The following TG variants were observed in gnomAD, a reference collection of about 807,000 sequenced individuals.
The protein encoded by TG is thyroid hormones.
A neutral mutation model predicts 324.7 loss-of-function variants in TG; 270 were observed. The ratio of observed to expected loss-of-function variants is 0.83; its 90% CI spans 0.75 to 0.92. TG has a LOEUF of 0.92. TG is among the 40% of genes least tolerant of loss of function. The pLI, the probability that TG is intolerant of heterozygous loss-of-function variation, is 0.00. For synonymous variants in TG, 1,401 were observed against 1,327.0 expected, an observed-to-expected ratio of 1.06 and a Z score of -1.21; for missense variants, 3,591 against 3,456.4, an observed-to-expected ratio of 1.04 and a Z score of -0.98.
intron 43 of TG, among the ~76,000 whole-genome samples, chr8:133,109,111 C>G (rs1850063185): frequency 6.6e-6 from 1 of 152,200 alleles, no homozygotes; most frequent in East Asian, 1.9e-4. Flanking sequence ...CAACCATTAT[C>G]TCTAGAGCCT....
intron 34 of TG, among the ~76,000 whole-genome samples, chr8:132,974,511 G>A (rs2204208): frequency 0.6 from 91,223 of 151,990 alleles, 28,629 homozygotes; most frequent in African/African-American, 0.73. Context: ...CAAACCACAC[G>A]GCTGGTAGGA....
intron 8 of TG, among the ~76,000 whole-genome samples, chr8:132,884,319 C>T (rs998488972): frequency 6.6e-6 from 1 of 152,172 alleles, no homozygotes; most frequent in African/African-American, 2.4e-5. Context: ...TCGAGCCAGA[C>T]CCCATTTTCT....
chr8:132,897,721 G>A lies in TG; in HGVS notation c.3074G>A (p.Gly1025Asp), dbSNP rs764171548. Reference protein sequence around the residue: ...SAGASALLRSGPYMPQCDAFG... With the variant: ...SAGASALLRSDPYMPQCDAFG... ...GGAGCATCCGCCCTTCTGCGGTCGG[G>A]CCCCTACATGCCACAGTGTGATGCG... Residue 1025 changes from glycine to aspartate, a missense_variant, in exon 12 of 48, where the codon GGC (glycine) becomes GAC (aspartate). By Grantham distance (94) the Gly-to-Asp change is moderately conservative (BLOSUM62 -1). Coordinates refer to ENST00000220616, the MANE Select transcript of TG (RefSeq NM_003235.5). The A allele has an allele frequency of 6.2e-7, 1 of 1,614,226 alleles. No homozygotes were observed. Among genetic ancestry groups the A allele is most frequent in the Non-Finnish European group, 8.5e-7 (1 of 1,180,048 alleles).
intron 41 of TG, among the ~76,000 whole-genome samples, chr8:133,090,934 C>T (rs1847410866): frequency 6.6e-6 from 1 of 152,158 alleles, no homozygotes; most frequent in South Asian, 2.1e-4. Context: ...CTGGTTAGAA[C>T]ATGGAGCTCT....
chr8:133,057,969 T>C (rs1416119020), intron 41 of TG, among the ~76,000 whole-genome samples: 2 of 152,186 alleles, frequency 1.3e-5, no homozygotes, highest in African/African-American at 4.8e-5. Flanking sequence ...GCACTGAAGC[T>C]AATGTGGGAG....
intron 21 of TG, among the ~76,000 whole-genome samples, chr8:132,920,573 A>G (rs853303): frequency 0.55 from 84,060 of 152,100 alleles, 24,206 homozygotes; most frequent in Non-Finnish European, 0.62. Context: ...TTTGTACACA[A>G]TGACTTGAGT....
At chr8:132,937,737 C>A (rs1043258338) in intron 25 of TG, among the ~76,000 whole-genome samples, 2 of 148,898 alleles carry the variant, frequency 1.3e-5, no homozygotes, top group Admixed American at 1.4e-4. Context: ...TTAAAAAATG[C>A]AATTGTATTT....
chr8:133,119,589 G>A (rs1165673863), intron 45 of TG, among the ~76,000 whole-genome samples: 1 of 152,108 alleles, frequency 6.6e-6, no homozygotes, highest in Non-Finnish European at 1.5e-5. Flanking sequence ...TTTTATGAGA[G>A]CACTAACTCC....
At chr8:132,967,087 G>T (rs1266156755) in intron 30 of TG, among the ~76,000 whole-genome samples, 1 of 124,654 alleles carries the variant, frequency 8.0e-6, no homozygotes, top group Non-Finnish European at 1.7e-5. Flanking sequence ...GTCCATCTTT[G>T]CATCCCATCC....
At chr8:133,114,745 TG>T (rs1425448856) in intron 44 of TG, among the ~76,000 whole-genome samples, 1 of 152,184 alleles carries the variant, frequency 6.6e-6, no homozygotes, top group African/African-American at 2.4e-5. Context: ...TTGTTGTCCC[TG>T]GGGACAGAGC....
At chr8:132,915,021 G>C (rs1820085269) in intron 20 of TG, among the ~76,000 whole-genome samples, 1 of 152,112 alleles carries the variant, frequency 6.6e-6, no homozygotes, top group Non-Finnish European at 1.5e-5. Flanking sequence ...ACATGTGTCT[G>C]ATGTACATAT....
chr8:132,960,319 G>T (rs1827556119), intron 27 of TG, among the ~76,000 whole-genome samples: 1 of 152,078 alleles, frequency 6.6e-6, no homozygotes, highest in African/African-American at 2.4e-5. Flanking sequence ...TGTAGCATGG[G>T]GCTTATTTGC....
chr8:133,010,278 AC>A lies in TG; in HGVS notation c.6263-1619del, dbSNP rs528031490. On this transcript the variant is annotated intron_variant, in intron 35 of 47. Transcript: ENST00000220616. ...AAAGAGGCACTAGAGCCCCTACCCA[AC>A]CCCTCATTTGGGTGCTTTCGGGATC... 2.6e-3 allele frequency among the ~76,000 whole-genome samples: 400 copies of A among 152,238 alleles called. 1 individual carries two copies. Among genetic ancestry groups the A allele is most frequent in the African/African-American group, 9.2e-3 (383 of 41,538 alleles).
intron 41 of TG, among the ~76,000 whole-genome samples, chr8:133,061,518 T>G (rs1402897340): frequency 6.6e-6 from 1 of 152,182 alleles, no homozygotes; most frequent in Non-Finnish European, 1.5e-5. Context: ...GAAAGGGACA[T>G]AGATTATCAG....
intron 41 of TG, among the ~76,000 whole-genome samples, chr8:133,082,730 A>G (rs1258382747): frequency 6.6e-6 from 1 of 152,170 alleles, no homozygotes; most frequent in Non-Finnish European, 1.5e-5. Context: ...GCACAAAATG[A>G]CGGTAGGATC....
In TG at chr8:133,112,042, G is replaced by A. The variant is rs576948980; in HGVS notation, c.7573-1380G>A. 7.9e-5 allele frequency among the ~76,000 whole-genome samples: 12 copies of A among 151,970 alleles called. No homozygotes were observed. In the South Asian group the frequency reaches 2.1e-3, roughly 26 times the overall value. ...CCCAGGAGGGGCTGTTCCCACCCAG[G>A]AGGGGCTGTTCCCACCCAAGAGTGG... On this transcript the variant is annotated intron_variant, in intron 43 of 47. Coordinates refer to ENST00000220616, the MANE Select transcript of TG (RefSeq NM_003235.5).
At chr8:133,062,092 A>G (rs16904816) in intron 41 of TG, among the ~76,000 whole-genome samples, 2,729 of 152,360 alleles carry the variant, frequency 0.018, 31 homozygotes, top group Non-Finnish European at 0.03. Context: ...AACGGGCAGC[A>G]TGTTTAAAGT....
At chr8:132,931,673 TTTAA>T (rs1294512262) in intron 23 of TG, among the ~76,000 whole-genome samples, 2 of 152,170 alleles carry the variant, frequency 1.3e-5, no homozygotes, top group African/African-American at 4.8e-5. Flanking sequence ...GACTCAGAAC[TTTAA>T]TTGTTTTCTT....
chr8:133,064,494 C>T (rs1219196555), intron 41 of TG, among the ~76,000 whole-genome samples: 1 of 152,196 alleles, frequency 6.6e-6, no homozygotes. Flanking sequence ...TAGTCACCTG[C>T]CCACTGTCCT....
Sources: allele counts gnomAD v4.1 joint callset (sites outside exome capture counted in the v4.1 genomes callset), GRCh38; gene constraint gnomAD v4.1.1; transcripts MANE v1.5; gene names NCBI Gene and HGNC (gene_info 2026-07-23, HGNC 2026-07-21).